SIK3: variants seen among roughly 807,000 people sequenced by gnomAD.
SIK3 encodes SIK family kinase 3, also known as serine/threonine-protein kinase SIK3.
In SIK3, 28 loss-of-function variants were observed where a neutral mutation model predicts 144.2. That is an observed-to-expected ratio of 0.19 (90% CI 0.14 to 0.27). SIK3 has a LOEUF of 0.27. Among genes scored for constraint, SIK3 ranks in the 10% least tolerant of loss-of-function variants. The probability of loss-of-function intolerance (pLI) is 1.00; values close to 1 mark genes in which losing one functional copy is unlikely to be tolerated. For synonymous variants in SIK3, 686 were observed against 676.3 expected, an observed-to-expected ratio of 1.01 and a Z score of -0.22; for missense variants, 1,319 against 1,776.0, an observed-to-expected ratio of 0.74 and a Z score of 4.62.
intron 1 of SIK3, among the ~76,000 whole-genome samples, chr11:116,967,799 G>A (rs140639636): frequency 2.2e-4 from 33 of 152,264 alleles, no homozygotes; most frequent in African/African-American, 7.5e-4. Flanking sequence ...TATCTTCCCT[G>A]AGCAGCCTGG....
chr11:117,084,508 C>T (rs1456552749), intron 1 of SIK3, among the ~76,000 whole-genome samples: 2 of 152,150 alleles, frequency 1.3e-5, no homozygotes, highest in East Asian at 1.9e-4. Flanking sequence ...TCAGGTGATC[C>T]GCCTGCCTGG....
intron 1 of SIK3, among the ~76,000 whole-genome samples, chr11:117,008,075 C>CAAAAA (rs59486431): frequency 3.5e-4 from 19 of 54,662 alleles, no homozygotes; most frequent in African/African-American, 7.0e-4. Flanking sequence ...GACTCCATCT[C>CAAAAA]AAAAAAAAAA....
At position 116,876,501 on chromosome 11, in the gene SIK3, G is replaced by A. The variant is rs1000047666; in HGVS notation, c.985-138C>T. ...CCTCAGACAAAGTCTAAGGAAGAGA[G>A]CCCTGAGTGATCAGCTGTAAACAGA... On this transcript the variant is annotated intron_variant, in intron 7 of 24. Coordinates refer to ENST00000445177, the MANE Select transcript of SIK3 (RefSeq NM_001366686.3). The A allele has an allele frequency of 4.2e-6, 3 of 709,738 alleles. No homozygotes were observed. In the African/African-American group the frequency reaches 5.4e-5, roughly 13 times the overall value. 44.0% of individuals were successfully genotyped at this position (709,738 alleles called of 1,614,324 possible). A position where few individuals can be genotyped will look rare whatever the true frequency, so the allele number is the denominator to read the frequency against.
At chr11:116,922,030 TAC>T (rs1947011560) in intron 4 of SIK3, among the ~76,000 whole-genome samples, 3 of 152,276 alleles carry the variant, frequency 2.0e-5, no homozygotes, top group South Asian at 4.1e-4. Flanking sequence ...TAGCTGGGAC[TAC>T]AGATGCATGC....
At chr11:116,886,140 T>A (rs1162522598) in intron 6 of SIK3, among the ~76,000 whole-genome samples, 2 of 152,212 alleles carry the variant, frequency 1.3e-5, no homozygotes, top group East Asian at 1.9e-4. Context: ...TTATGTTAGG[T>A]CATGGGAATG....
intron 1 of SIK3, among the ~76,000 whole-genome samples, chr11:117,044,174 T>C (rs1469947262): frequency 6.6e-6 from 1 of 152,224 alleles, no homozygotes; most frequent in Non-Finnish European, 1.5e-5. Flanking sequence ...AAAATGCAAG[T>C]GAATGAAACA....
chr11:117,070,737 C>A (rs1167830229), intron 1 of SIK3, among the ~76,000 whole-genome samples: 2 of 150,448 alleles, frequency 1.3e-5, no homozygotes, highest in Non-Finnish European at 2.9e-5. Flanking sequence ...TGAGCCACTG[C>A]GCCCGGCCCT....
intron 1 of SIK3, among the ~76,000 whole-genome samples, chr11:117,049,477 C>T (rs1371214964): frequency 6.6e-6 from 1 of 151,774 alleles, no homozygotes; most frequent in African/African-American, 2.4e-5. Context: ...ACTTGGGAGG[C>T]TGAGGCATGA....
chr11:117,091,200 C>CTTTTTTTTTTT (rs386375011), intron 1 of SIK3, among the ~76,000 whole-genome samples: 6 of 93,006 alleles, frequency 6.5e-5, no homozygotes, highest in Admixed American at 1.5e-4. Flanking sequence ...TTTTTTTTTT[C>CTTTTTTTTTTT]TTTTTTTTTT....
chr11:116,861,262 C>G lies in SIK3; in HGVS notation c.2425+12G>C. 1 of 1,567,376 alleles carries G rather than the reference C, an allele frequency of 6.4e-7. No homozygotes were observed. The highest frequency in any genetic ancestry group is 1.1e-5 in the South Asian group (1 of 87,170). On this transcript the variant is annotated intron_variant, in intron 19 of 24. Transcript: ENST00000445177. ...ATAAAATGAACTGTTTGGTCTGAAC[C>G]TCTCCACTCACCGTGAGGCTGGATC... is the stretch of plus-strand genomic sequence containing the variant.
intron 3 of SIK3, among the ~76,000 whole-genome samples, chr11:116,932,779 T>C (rs1947686992): frequency 6.6e-6 from 1 of 152,150 alleles, no homozygotes; most frequent in Non-Finnish European, 1.5e-5. Context: ...CGGCGACCTT[T>C]TGAGATTGGC....
In SIK3 at chr11:116,867,956, C is replaced by A; in HGVS notation, c.1942G>T (p.Asp648Tyr). Reference protein sequence around the residue: ...SRVWPPHLVPDQHRSTYKDSN... With the variant: ...SRVWPPHLVPYQHRSTYKDSN... ...CATGTGGCTACTCACCGATGCTGAT[C>A]AGGTACCAGGTGAGGAGGCCAGACC... Residue 648 changes from aspartate to tyrosine, a missense_variant, in exon 15 of 25, where the codon GAT becomes TAT. Physicochemically the swap from Asp to Tyr is radical, Grantham distance 160. This residue lies in a region of SIK3 where 47 missense variants were observed against 40.2 expected (regional missense o/e 1.17). Coordinates refer to ENST00000445177, the MANE Select transcript of SIK3 (RefSeq NM_001366686.3). This position sits in a 1 kb window ranked among gnomAD's most constrained non-coding sequence, Gnocchi z 4.1. 1 of 1,543,330 alleles carries A rather than the reference C, an allele frequency of 6.5e-7. No homozygotes were observed. The highest frequency in any genetic ancestry group is 8.7e-7 in the Non-Finnish European group (1 of 1,142,910).
At chr11:117,059,314 T>TA (rs1953694841) in intron 1 of SIK3, among the ~76,000 whole-genome samples, 1 of 152,156 alleles carries the variant, frequency 6.6e-6, no homozygotes, top group South Asian at 2.1e-4. Context: ...GAATAGGAAT[T>TA]AAAGTCTCAG....
At chr11:117,086,816 G>A (rs1274712345) in intron 1 of SIK3, among the ~76,000 whole-genome samples, 5 of 151,924 alleles carry the variant, frequency 3.3e-5, no homozygotes, top group African/African-American at 1.2e-4. Context: ...CTAACACGGT[G>A]AAACCCCGTC....
chr11:116,966,442 C>A (rs958423872), intron 1 of SIK3, among the ~76,000 whole-genome samples: 2 of 152,020 alleles, frequency 1.3e-5, no homozygotes, highest in Admixed American at 6.6e-5. Flanking sequence ...GGTTGAATAT[C>A]CCTTATCCAA....
At chr11:116,866,576 G>A (rs964413101) in intron 15 of SIK3, among the ~76,000 whole-genome samples, 9 of 151,970 alleles carry the variant, frequency 5.9e-5, no homozygotes, top group African/African-American at 2.2e-4. Flanking sequence ...CGAGTAGCTG[G>A]GACTACAGAC....
chr11:116,996,409 A>G (rs1444293926), intron 1 of SIK3, among the ~76,000 whole-genome samples: 8 of 152,222 alleles, frequency 5.3e-5, no homozygotes, highest in Non-Finnish European at 1.5e-5. Context: ...GTGAAAATAA[A>G]AAAATATTAT....
At position 116,927,253 on chromosome 11, in the gene SIK3, T is replaced by C. The variant is rs558472743; in HGVS notation, c.582A>G (p.Leu194=). ...TGATATTCAGATTGGCATCCAGAAG[T>C]AAATTTTCAGCTTTTAAATCACGAT... The part of the protein sequence containing the change: ...IVHRDLKAEN[L]LLDANLNIKI... The change falls in exon 4 of 25, where the codon TTA becomes TTG. Residue 194 remains leucine (L), a synonymous_variant. Transcript: ENST00000445177. The C allele has an allele frequency of 1.1e-5, 17 of 1,614,032 alleles. No individual in the cohort carries two copies. In the East Asian group the frequency reaches 3.8e-4, roughly 36 times the overall value.
At chr11:116,922,507 G>C (rs1265389642) in intron 4 of SIK3, among the ~76,000 whole-genome samples, 3 of 151,864 alleles carry the variant, frequency 2.0e-5, no homozygotes, top group Non-Finnish European at 2.9e-5. Flanking sequence ...GGGGGAAGGG[G>C]CGGGCATGGT....
Sources: allele counts gnomAD v4.1 joint callset (sites outside exome capture counted in the v4.1 genomes callset), GRCh38; gene constraint gnomAD v4.1.1; regional missense constraint gnomAD v4.1.1; non-coding constraint Gnocchi (gnomAD v3.1); transcripts MANE v1.5; gene names NCBI Gene and HGNC (gene_info 2026-07-23, HGNC 2026-07-21).